The following RBFOX1 variants were observed in gnomAD, a reference collection of about 807,000 sequenced individuals.
RBFOX1 encodes the protein RNA binding protein fox-1 homolog 1.
Under a neutral mutation model 57.7 loss-of-function variants are expected in RBFOX1, and 8 were observed. That is an observed-to-expected ratio of 0.14 (90% confidence interval 0.08 to 0.25). RBFOX1 has a LOEUF of 0.25. Ranked by LOEUF, RBFOX1 falls within the 10% of genes least tolerant of loss-of-function variation. The pLI is 1.00. For synonymous variants in RBFOX1, 326 were observed against 222.4 expected, an observed-to-expected ratio of 1.47 and a Z score of -4.15; for missense variants, 611 against 548.5, an observed-to-expected ratio of 1.11 and a Z score of -1.14.
At chr16:5,311,154 C>G (rs546070917) in intron 1 of RBFOX1, among the ~76,000 whole-genome samples, 1 of 152,156 alleles carries the variant, frequency 6.6e-6, no homozygotes, top group Non-Finnish European at 1.5e-5. Flanking sequence ...ATCCAAGTTG[C>G]TGCAAAAGAC....
chr16:6,885,730 C>G (rs1466365871), intron 3 of RBFOX1, among the ~76,000 whole-genome samples: 1 of 152,018 alleles, frequency 6.6e-6, no homozygotes, highest in African/African-American at 2.4e-5. Flanking sequence ...CTGGGTTTCA[C>G]CAGGTTGGAC....
intron 3 of RBFOX1, among the ~76,000 whole-genome samples, chr16:7,046,237 G>GGGGTGTGTGT (rs1555808004): frequency 6.8e-6 from 1 of 146,590 alleles, no homozygotes; most frequent in Admixed American, 6.9e-5. Context: ...TAGGTAAAGG[G>GGGGTGTGTGT]GTGTGTGTGT....
chr16:7,044,257 G>T (rs892668211), intron 3 of RBFOX1, among the ~76,000 whole-genome samples: 1 of 152,106 alleles, frequency 6.6e-6, no homozygotes, highest in African/African-American at 2.4e-5. Context: ...TCCAAACATC[G>T]TACTCATCTC....
intron 4 of RBFOX1, among the ~76,000 whole-genome samples, chr16:7,089,413 AAAG>A (rs943516278): frequency 1.3e-5 from 2 of 148,218 alleles, no homozygotes; most frequent in African/African-American, 2.6e-5. Context: ...GCATTAAAAA[AAAG>A]TAGTCACGTG....
chr16:5,301,606 A>G (rs1434415420), intron 1 of RBFOX1, among the ~76,000 whole-genome samples: 1 of 126,474 alleles, frequency 7.9e-6, no homozygotes, highest in Non-Finnish European at 1.6e-5. Context: ...GTGACACAGC[A>G]AGTCTCCATC....
chr16:6,645,207 G>C (rs1000628137), intron 2 of RBFOX1, among the ~76,000 whole-genome samples: 2 of 152,124 alleles, frequency 1.3e-5, no homozygotes, highest in South Asian at 4.1e-4. Context: ...AACCCACCCA[G>C]ATAATACAGA....
At chr16:6,465,701 G>A (rs2095032900) in intron 2 of RBFOX1, among the ~76,000 whole-genome samples, 1 of 150,302 alleles carries the variant, frequency 6.7e-6, no homozygotes, top group South Asian at 2.1e-4. Flanking sequence ...TGTATTGCCT[G>A]TGGTCATTTT....
intron 4 of RBFOX1, among the ~76,000 whole-genome samples, chr16:7,369,116 A>G (rs1244990983): frequency 6.6e-6 from 1 of 152,168 alleles, no homozygotes; most frequent in Admixed American, 6.5e-5. Flanking sequence ...GGTTTTTCAC[A>G]ACTCAGCGTG....
chr16:6,541,336 C>T (rs2096814696), intron 2 of RBFOX1, among the ~76,000 whole-genome samples: 1 of 152,128 alleles, frequency 6.6e-6, no homozygotes, highest in South Asian at 2.1e-4. Flanking sequence ...ATTCATGTAA[C>T]AAGTATTTAT....
chr16:5,686,643 T>C (rs186788706), intron 3 of RBFOX1, among the ~76,000 whole-genome samples: 2 of 152,296 alleles, frequency 1.3e-5, no homozygotes, highest in Admixed American at 1.3e-4. Flanking sequence ...TTGATTTCTC[T>C]CTATATATTG....
chr16:6,234,327 T>C (rs564922343), intron 1 of RBFOX1, among the ~76,000 whole-genome samples: 1 of 152,340 alleles, frequency 6.6e-6, no homozygotes, highest in East Asian at 1.9e-4. Context: ...TTTTGGCATT[T>C]AGTTCAGTTG....
At chr16:5,420,136 A>G (rs990278175) in intron 1 of RBFOX1, among the ~76,000 whole-genome samples, 1 of 152,202 alleles carries the variant, frequency 6.6e-6, no homozygotes, top group African/African-American at 2.4e-5. Flanking sequence ...GTGACGGGAA[A>G]GTAATATACT....
chr16:7,069,148 C>T (rs866156813), intron 4 of RBFOX1, among the ~76,000 whole-genome samples: 1 of 109,352 alleles, frequency 9.1e-6, no homozygotes, highest in Non-Finnish European at 2.0e-5. Context: ...CTATGAAAAA[C>T]ACCTATGAAC....
intron 4 of RBFOX1, among the ~76,000 whole-genome samples, chr16:7,278,557 G>T (rs1421059796): frequency 6.6e-6 from 1 of 152,114 alleles, no homozygotes; most frequent in East Asian, 1.9e-4. Context: ...AATTTATCAT[G>T]ACTGTCTGTG....
chr16:6,863,384 C>G (rs932943198), intron 3 of RBFOX1, among the ~76,000 whole-genome samples: 13 of 151,956 alleles, frequency 8.6e-5, no homozygotes, highest in Non-Finnish European at 1.3e-4. Flanking sequence ...GAATGTATGG[C>G]TAAAGATTCA....
At chr16:6,686,797 C>G (rs1320365363) in intron 3 of RBFOX1, among the ~76,000 whole-genome samples, 6 of 152,170 alleles carry the variant, frequency 3.9e-5, no homozygotes, top group East Asian at 1.9e-4. Flanking sequence ...GTTAACACAT[C>G]AAGAAACCCA....
chr16:6,377,983 A>T (rs961178337), intron 2 of RBFOX1, among the ~76,000 whole-genome samples: 1 of 152,026 alleles, frequency 6.6e-6, no homozygotes, highest in Non-Finnish European at 1.5e-5. Flanking sequence ...CTGGTGCTTC[A>T]TCGTCCTTTA....
At chr16:5,856,187 C>CTCTCTCTA (rs1430331422) in intron 3 of RBFOX1, among the ~76,000 whole-genome samples, 16 of 31,068 alleles carry the variant, frequency 5.1e-4, no homozygotes, top group African/African-American at 2.0e-3. Flanking sequence ...CTCTCTCTCT[C>CTCTCTCTA]TATATATATA....
At chr16:5,849,571 G>A (rs2056841324) in intron 3 of RBFOX1, among the ~76,000 whole-genome samples, 1 of 152,092 alleles carries the variant, frequency 6.6e-6, no homozygotes. Flanking sequence ...TGGTTCTCAA[G>A]TCTTGGTTTT....
Sources: gnomAD v4.1 joint callset for allele counts (sites outside exome capture counted in the v4.1 genomes callset) on GRCh38, gnomAD v4.1.1 for gene constraint, MANE v1.5 for transcripts, NCBI Gene and HGNC (gene_info 2026-07-23, HGNC 2026-07-21) for gene names.